RIN3: variants seen among roughly 807,000 people sequenced by gnomAD.
The protein encoded by RIN3 is Ras and Rab interactor 3, also known as RAB5 interacting protein 3.
In RIN3, 54 loss-of-function variants were observed where a neutral mutation model predicts 76.3. The observed-to-expected ratio is 0.71, with a 90% CI of 0.57 to 0.89. RIN3 has a LOEUF of 0.89. Among genes scored for constraint, RIN3 ranks in the 40% least tolerant of loss-of-function variants. The pLI is 0.00. For synonymous variants in RIN3, 576 were observed against 564.0 expected, an observed-to-expected ratio of 1.02 and a Z score of -0.30; for missense variants, 1,256 against 1,322.1, an observed-to-expected ratio of 0.95 and a Z score of 0.78.
chr14:92,640,016 G>A (rs542848104), intron 4 of RIN3, among the ~76,000 whole-genome samples: 1 of 142,986 alleles, frequency 7.0e-6, no homozygotes, highest in African/African-American at 2.8e-5. Flanking sequence ...ATGCCTGACT[G>A]TGTGTTCGTC....
rs1487132649 is a variant in RIN3 at position 92,656,580 on chromosome 14, A to C, written c.2027-2581A>C. ...TGTTAAGGCCAAATCTGCTTCGGGCACCAAGATGTCAAGAGGTGCTAGACT... is the reference window on the plus strand; with the variant it reads ...TGTTAAGGCCAAATCTGCTTCGGGCCCCAAGATGTCAAGAGGTGCTAGACT... On this transcript the variant is annotated intron_variant, in intron 6 of 9. Coordinates refer to ENST00000216487, the MANE Select transcript of RIN3 (RefSeq NM_024832.5). This position sits in a 1 kb window ranked among gnomAD's most constrained non-coding sequence, Gnocchi z 5.2. Among the ~76,000 whole-genome samples, 8 of 152,206 alleles carry C rather than the reference A, an allele frequency of 5.3e-5. No individual in the cohort carries two copies.
At position 92,652,077 on chromosome 14, in the gene RIN3, G is replaced by C. The variant is rs1302859485; in HGVS notation, c.1028G>C (p.Arg343Thr). Residue 343 changes from arginine (R) to threonine (T), a missense_variant, in exon 6 of 10, where the codon AGA becomes ACA. Physicochemically the swap from Arg to Thr is moderately conservative, Grantham distance 71. Around this residue, in one of 3 missense-constraint regions of RIN3, gnomAD observed 610 missense variants for 626.4 expected, o/e 0.97. Transcript: ENST00000216487. The surrounding 1 kb of genome is among the most constrained non-coding windows in gnomAD (Gnocchi z 6.4). ...CAGCCGCCCATGATGACCTGCGAGA[G>C]ACTCCCATGCCCCACTGCAGGCCTG... ...PNQPPMMTCE[R>T]LPCPTAGLGP... 3 of 1,603,198 alleles carry C rather than the reference G, an allele frequency of 1.9e-6. No individual in the cohort carries two copies. Among genetic ancestry groups the C allele is most frequent in the Non-Finnish European group, 2.5e-6 (3 of 1,179,614 alleles).
At chr14:92,566,760 G>A (rs1223944104) in intron 2 of RIN3, among the ~76,000 whole-genome samples, 3 of 152,290 alleles carry the variant, frequency 2.0e-5, no homozygotes, top group East Asian at 1.9e-4. Context: ...CAGAGCATGC[G>A]GGCAGAAGGT....
intron 4 of RIN3, 45 bp downstream of exon 4, chr14:92,615,524 C>T: frequency 6.6e-7 from 1 of 1,505,352 alleles, no homozygotes; most frequent in Non-Finnish European, 9.2e-7. Context: ...TTGTAGCAAA[C>T]ATCACATGCA....
intron 7 of RIN3, among the ~76,000 whole-genome samples, chr14:92,664,364 C>CTTTTTTTT (rs373597134): frequency 7.1e-4 from 60 of 84,444 alleles, no homozygotes; most frequent in Admixed American, 9.9e-4. Flanking sequence ...TTCTTTCTTT[C>CTTTTTTTT]TTTTTTTTTT....
chr14:92,542,650 A>G (rs931091477), intron 1 of RIN3, among the ~76,000 whole-genome samples: 13 of 152,246 alleles, frequency 8.5e-5, no homozygotes, highest in African/African-American at 2.9e-4. Flanking sequence ...TAATATCCCC[A>G]AATTGGAAAC....
intron 2 of RIN3, among the ~76,000 whole-genome samples, chr14:92,569,385 AT>A (rs921818086): frequency 1.3e-5 from 2 of 151,958 alleles, no homozygotes; most frequent in Admixed American, 1.3e-4. Context: ...CCTTGGTTTC[AT>A]TTTTTGTTTC....
intron 6 of RIN3, among the ~76,000 whole-genome samples, chr14:92,657,830 C>T (rs1238552725): frequency 6.6e-6 from 1 of 152,180 alleles, no homozygotes; most frequent in Non-Finnish European, 1.5e-5. Flanking sequence ...CCAGGATGGC[C>T]ATGGGCCAGC....
chr14:92,532,157 G>A (rs1595392864), intron 1 of RIN3, among the ~76,000 whole-genome samples: 2 of 152,074 alleles, frequency 1.3e-5, no homozygotes, highest in East Asian at 3.9e-4. Context: ...TTGAACTCTT[G>A]ACCTCAAGTG....
At chr14:92,673,344 G>A in intron 7 of RIN3, among the ~76,000 whole-genome samples, 1 of 152,110 alleles carries the variant, frequency 6.6e-6, no homozygotes, top group East Asian at 1.9e-4. Flanking sequence ...ATGAACATTT[G>A]TGTGCAGGTC....
chr14:92,676,364 TC>T lies in RIN3; in HGVS notation c.2336-109del. On this transcript the variant is annotated intron_variant, in intron 7 of 9. Transcript: ENST00000216487. The stretch of plus-strand genomic sequence containing the variant: ...CATGAGAGAGCAGGAACATTCCTCT[TC>T]CAGGGATCGCCATCCACACTCAGCA... The T allele has an allele frequency of 3.1e-6, 4 of 1,277,232 alleles. No individual in the cohort carries two copies. In the African/African-American group the frequency reaches 4.4e-5, roughly 14 times the overall value. 79.1% of individuals were successfully genotyped at this position (1,277,232 alleles called of 1,614,324 possible). A position where few individuals can be genotyped will look rare whatever the true frequency, so the allele number is the denominator to read the frequency against.
intron 2 of RIN3, among the ~76,000 whole-genome samples, chr14:92,565,140 C>T (rs748503599): frequency 2.0e-5 from 3 of 152,210 alleles, no homozygotes; most frequent in Admixed American, 1.3e-4. Context: ...ATCTTCCCAT[C>T]GAGGTTGAGC....
rs967125962 is a variant in RIN3 at position 92,623,230 on chromosome 14, A to G, written c.440+7751A>G. ...CTTGTAAAGCTTTTGTAATTGTTCC[A>G]TCAGGAGCTGTATTGTTGGGAATGT... On this transcript the variant is annotated intron_variant, in intron 4 of 9. Transcript: ENST00000216487. The surrounding 1 kb of genome is among the most constrained non-coding windows in gnomAD (Gnocchi z 4.9). Among the ~76,000 whole-genome samples, 1 of 152,228 alleles carries G rather than the reference A, an allele frequency of 6.6e-6. No individual in the cohort carries two copies. The highest frequency in any genetic ancestry group is 2.4e-5 in the African/African-American group (1 of 41,462).
intron 1 of RIN3, among the ~76,000 whole-genome samples, chr14:92,520,823 C>A (rs925532217): frequency 1.3e-5 from 2 of 152,208 alleles, no homozygotes; most frequent in Admixed American, 6.5e-5. Flanking sequence ...GGGACCTTTT[C>A]CCCTAACCTC....
chr14:92,635,061 GT>G (rs1324978208), intron 4 of RIN3, among the ~76,000 whole-genome samples: 1 of 152,152 alleles, frequency 6.6e-6, no homozygotes, highest in East Asian at 1.9e-4. Flanking sequence ...GTCAGTGAGT[GT>G]TCAGGCGGAG....
intron 1 of RIN3, among the ~76,000 whole-genome samples, chr14:92,539,677 G>A (rs750454144): frequency 5.9e-5 from 9 of 152,176 alleles, no homozygotes; most frequent in Non-Finnish European, 1.0e-4. Flanking sequence ...GGCTGAGTCA[G>A]TTTAGTCCTG....
rs767449857 is a variant in RIN3 at position 92,574,585 on chromosome 14, CTTTTTG to C, written c.250-2772_250-2767del. 1.2e-3 allele frequency among the ~76,000 whole-genome samples: 181 copies of C among 152,276 alleles called. 2 individuals are homozygous for C. The highest frequency in any genetic ancestry group is 2.1e-3 in the Non-Finnish European group (140 of 68,018). ...TAAAAAAGAAATGATTTGGGGGCTGCTTTTTGTTAAAAGGGAAGCTCAGCAGAGGAC... is the reference window on the plus strand; with the variant it reads ...TAAAAAAGAAATGATTTGGGGGCTGCTTAAAAGGGAAGCTCAGCAGAGGAC... On this transcript the variant is annotated intron_variant, in intron 2 of 9. Coordinates refer to ENST00000216487, the MANE Select transcript of RIN3 (RefSeq NM_024832.5).
chr14:92,642,357 A>G (rs1302609764), intron 5 of RIN3, among the ~76,000 whole-genome samples: 1 of 152,070 alleles, frequency 6.6e-6, no homozygotes, highest in East Asian at 1.9e-4. Flanking sequence ...TTGGCTTCCC[A>G]AAGTGCTGGA....
intron 3 of RIN3, among the ~76,000 whole-genome samples, chr14:92,580,149 G>A (rs558188813): frequency 1.3e-5 from 2 of 152,358 alleles, no homozygotes; most frequent in South Asian, 4.1e-4. Context: ...GGCCGAGGCA[G>A]GCGGATCACG....
Sources: gnomAD v4.1 joint callset for allele counts (sites outside exome capture counted in the v4.1 genomes callset) on GRCh38, gnomAD v4.1.1 for gene constraint, gnomAD v4.1.1 regional missense constraint, Gnocchi (gnomAD v3.1) non-coding constraint, MANE v1.5 for transcripts, NCBI Gene and HGNC (gene_info 2026-07-23, HGNC 2026-07-21) for gene names.